CLASP1: variants seen among roughly 807,000 people sequenced by gnomAD.
CLASP1 encodes the protein cytoplasmic linker associated protein 1.
A neutral mutation model predicts 192.3 loss-of-function variants in CLASP1; 38 were observed. The ratio of observed to expected loss-of-function variants is 0.20; its 90% CI spans 0.15 to 0.26. The LOEUF is 0.26. Ranked by LOEUF, CLASP1 falls within the 10% of genes least tolerant of loss-of-function variation. The probability of loss-of-function intolerance (pLI) is 1.00; values close to 1 mark genes in which losing one functional copy is unlikely to be tolerated. For missense variants in CLASP1, 1,433 were observed against 1,932.5 expected (o/e 0.74, Z 4.85); for synonymous variants, 691 against 712.8 (o/e 0.97, Z 0.49).
At chr2:121,490,639 C>T (rs1225286419) in intron 8 of CLASP1, among the ~76,000 whole-genome samples, 1 of 152,164 alleles carries the variant, frequency 6.6e-6, no homozygotes, top group African/African-American at 2.4e-5. Context: ...AAAAAGCAAC[C>T]TTATTTCCAC....
At chr2:121,520,176 G>C (rs942190440) in intron 6 of CLASP1, among the ~76,000 whole-genome samples, 1 of 152,166 alleles carries the variant, frequency 6.6e-6, no homozygotes, top group African/African-American at 2.4e-5. Flanking sequence ...ATCAGGAATG[G>C]CAGGCTGGAG....
At chr2:121,606,550 T>C (rs1559750673) in intron 1 of CLASP1, among the ~76,000 whole-genome samples, 1 of 152,202 alleles carries the variant, frequency 6.6e-6, no homozygotes, top group Admixed American at 6.5e-5. Flanking sequence ...TGAATCACTG[T>C]AGGTACTGCA....
At chr2:121,517,858 CTT>C (rs70954553) in intron 6 of CLASP1, among the ~76,000 whole-genome samples, 6,126 of 29,994 alleles carry the variant, frequency 0.2, 510 homozygotes, top group Non-Finnish European at 0.25. Flanking sequence ...AAGACTCAAG[CTT>C]TTTTTTTTTT....
chr2:121,492,498 C>G (rs1043895815), intron 8 of CLASP1, among the ~76,000 whole-genome samples: 3 of 133,894 alleles, frequency 2.2e-5, no homozygotes, highest in African/African-American at 8.3e-5. Flanking sequence ...AAAAGATAAA[C>G]AATTCGATTT....
intron 13 of CLASP1, among the ~76,000 whole-genome samples, 175 bp downstream of exon 13, chr2:121,458,665 T>TC (rs2087206814): frequency 6.6e-6 from 1 of 152,166 alleles, no homozygotes; most frequent in Admixed American, 6.5e-5. Flanking sequence ...TATAAAAAGC[T>TC]CACATGCCAC....
chr2:121,529,495 C>T (rs1368865791), intron 3 of CLASP1, among the ~76,000 whole-genome samples: 1 of 151,970 alleles, frequency 6.6e-6, no homozygotes, highest in African/African-American at 2.4e-5. Flanking sequence ...GCATATTGGT[C>T]GGAAAGTTAA....
intron 16 of CLASP1, among the ~76,000 whole-genome samples, chr2:121,449,821 G>A (rs985995522): frequency 6.6e-6 from 1 of 152,126 alleles, no homozygotes; most frequent in Non-Finnish European, 1.5e-5. Context: ...AGAGCAATAA[G>A]TACTAGATCA....
intron 37 of CLASP1, among the ~76,000 whole-genome samples, chr2:121,352,002 G>C (rs1021275879): frequency 1.3e-5 from 2 of 152,234 alleles, no homozygotes; most frequent in African/African-American, 2.4e-5. Flanking sequence ...ACAGAGCTGA[G>C]AAGGACCGGG....
intron 38 of CLASP1, among the ~76,000 whole-genome samples, chr2:121,347,920 C>A (rs1410259588): frequency 6.6e-6 from 1 of 151,818 alleles, no homozygotes; most frequent in South Asian, 2.1e-4. Flanking sequence ...CTTGAAACCA[C>A]CTCTTCTATG....
At chr2:121,593,271 A>G (rs2062643768) in intron 2 of CLASP1, among the ~76,000 whole-genome samples, 1 of 152,210 alleles carries the variant, frequency 6.6e-6, no homozygotes, top group Non-Finnish European at 1.5e-5. Context: ...CTAATTCTTC[A>G]AAATTATTAA....
At chr2:121,462,730 G>C in intron 9 of CLASP1, 125 bp from the exon 10 acceptor site, 1 of 627,910 alleles carries the variant, frequency 1.6e-6, no homozygotes. Context: ...TTTTTAAAAG[G>C]CTTCATATAA....
intron 23 of CLASP1, among the ~76,000 whole-genome samples, chr2:121,416,564 C>T (rs988389654): frequency 6.6e-6 from 1 of 152,168 alleles, no homozygotes; most frequent in African/African-American, 2.4e-5. Flanking sequence ...AGTAAGCTCC[C>T]CTGAGGACAA....
At chr2:121,475,461 C>A (rs532121707) in intron 8 of CLASP1, among the ~76,000 whole-genome samples, 2 of 152,248 alleles carry the variant, frequency 1.3e-5, no homozygotes, top group African/African-American at 4.8e-5. Flanking sequence ...TTTAACTGGG[C>A]AAATAAGCTG....
chr2:121,573,612 A>G (rs2060181764), intron 2 of CLASP1, among the ~76,000 whole-genome samples: 2 of 152,204 alleles, frequency 1.3e-5, no homozygotes, highest in African/African-American at 2.4e-5. Flanking sequence ...TCAGTTCAAA[A>G]GCCAATAGAC....
chr2:121,644,993 A>G (rs1234356343), intron 1 of CLASP1, among the ~76,000 whole-genome samples: 1 of 151,468 alleles, frequency 6.6e-6, no homozygotes, highest in Non-Finnish European at 1.5e-5. Context: ...AGAGTTGCCT[A>G]AAGAAAGCAT....
chr2:121,392,570 C>T lies in CLASP1; in HGVS notation c.3123+4570G>A, dbSNP rs548414361. Among the ~76,000 whole-genome samples, 8 of 152,232 alleles carry T rather than the reference C, an allele frequency of 5.3e-5. No homozygotes were observed. The East Asian group carries it at 1.4e-3, about 26-fold the overall frequency. The stretch of plus-strand genomic sequence containing the variant: ...GAACTACAAGCATGCGCCACCATGC[C>T]CAGTTTGAGGCAAGTATTATTATTC... On this transcript the variant is annotated intron_variant, in intron 30 of 39. Coordinates refer to ENST00000263710, the Ensembl canonical transcript of CLASP1.
intron 2 of CLASP1, among the ~76,000 whole-genome samples, chr2:121,581,032 T>A (rs1348376746): frequency 6.6e-6 from 1 of 152,124 alleles, no homozygotes; most frequent in Non-Finnish European, 1.5e-5. Flanking sequence ...ATCAGACCCC[T>A]CTGCTGACCT....
At chr2:121,452,387 T>G (rs1574991965) in intron 14 of CLASP1, among the ~76,000 whole-genome samples, 3 of 152,350 alleles carry the variant, frequency 2.0e-5, no homozygotes, top group African/African-American at 7.2e-5. Flanking sequence ...AGAAGGATGT[T>G]TCAGCATCCT....
At chr2:121,426,670 G>A (rs1187862977) in intron 21 of CLASP1, among the ~76,000 whole-genome samples, 1 of 152,014 alleles carries the variant, frequency 6.6e-6, no homozygotes, top group Non-Finnish European at 1.5e-5. Context: ...ATCTACAACA[G>A]TAGAAATAAC....
Sources: gnomAD v4.1 joint callset for allele counts (sites outside exome capture counted in the v4.1 genomes callset) on GRCh38, gnomAD v4.1.1 for gene constraint, MANE v1.5 for transcripts, NCBI Gene and HGNC (gene_info 2026-07-23, HGNC 2026-07-21) for gene names.